MRPS10: variants seen among roughly 807,000 people sequenced by gnomAD.
The protein encoded by MRPS10 is small ribosomal subunit protein uS10m.
MRPS10 carries 23 observed loss-of-function variants against 27.5 expected under a neutral mutation model. The ratio of observed to expected loss-of-function variants is 0.84; its 90% CI spans 0.60 to 1.18. MRPS10 has a LOEUF of 1.18. Among genes scored for constraint, MRPS10 ranks in the 50% most tolerant of loss-of-function variants. The probability of loss-of-function intolerance (pLI) is 0.00; values close to 1 mark genes in which losing one functional copy is unlikely to be tolerated. For synonymous variants in MRPS10, 88 were observed against 84.2 expected (o/e 1.04, Z -0.25); for missense variants, 237 against 240.1 (o/e 0.99, Z 0.09).
At position 42,211,807 on chromosome 6, in the gene MRPS10, A is replaced by G; in HGVS notation, c.297T>C (p.Ala99=). The change falls in exon 4 of 7, where the codon GCT becomes GCC. Residue 99 remains alanine (A), a synonymous_variant. Transcript: ENST00000053468. ...CTTTAATAGAGATACCAAGTTCTTTAGCAGCAAGCACAGCAAAATATTCAT... is the reference window on the plus strand; with the variant it reads ...CTTTAATAGAGATACCAAGTTCTTTGGCAGCAAGCACAGCAAAATATTCAT... ...DSYEYFAVLA[A]KELGISIKVH... 25 of 1,613,850 alleles carry G rather than the reference A, an allele frequency of 1.5e-5. No homozygotes were observed. The highest frequency in any genetic ancestry group is 2.1e-5 in the Non-Finnish European group (25 of 1,179,914).
At chr6:42,212,189 G>A (rs577007855) in intron 3 of MRPS10, among the ~76,000 whole-genome samples, 9 of 152,234 alleles carry the variant, frequency 5.9e-5, no homozygotes, top group African/African-American at 1.9e-4. Flanking sequence ...TTAAAATAAC[G>A]ATTCAGCTTC....
intron 6 of MRPS10, among the ~76,000 whole-genome samples, 193 bp downstream of exon 6, chr6:42,208,665 G>A (rs538067848): frequency 6.6e-6 from 1 of 152,242 alleles, no homozygotes; most frequent in South Asian, 2.1e-4. Flanking sequence ...CGGAGGACTT[G>A]GGCTGAAATG....
At chr6:42,216,026 C>CTTTTTTTTTTTTTTTTT (rs34985131) in intron 1 of MRPS10, among the ~76,000 whole-genome samples, 8 of 56,974 alleles carry the variant, frequency 1.4e-4, no homozygotes, top group African/African-American at 3.0e-4. Context: ...TTTTTCTTTT[C>CTTTTTTTTTTTTTTTTT]TTTTTTTTTT....
intron 1 of MRPS10, 110 bp downstream of exon 1, chr6:42,217,692 T>G: frequency 9.1e-7 from 1 of 1,103,752 alleles, no homozygotes; most frequent in South Asian, 1.3e-5. Context: ...CGGCGCGAGG[T>G]GAGGGATAAA....
intron 1 of MRPS10, among the ~76,000 whole-genome samples, chr6:42,215,359 CA>C (rs771389045): frequency 3.8e-4 from 28 of 73,228 alleles, no homozygotes; most frequent in Non-Finnish European, 3.9e-4. Context: ...GACTCCCTCT[CA>C]AAAAAAAAAA....
chr6:42,211,852 A>G lies in MRPS10; in HGVS notation c.252T>C (p.Asp84=), dbSNP rs1262743161. 1 of 1,613,920 alleles carries G rather than the reference A, an allele frequency of 6.2e-7. No individual in the cohort carries two copies. The highest frequency in any genetic ancestry group is 2.2e-5 in the East Asian group (1 of 44,890). ...ATTCATAACTGTCCAATACAGCCTT[A>G]TCGTGACCTTTCACCAAAACCGAGA... The part of the protein sequence containing the change: ...KRLSVLVKGH[D]KAVLDSYEYF... Residue 84 remains aspartate, a synonymous_variant, in exon 4 of 7, where the codon GAT becomes GAC. Transcript: ENST00000053468.
chr6:42,209,937 C>T (rs1050478040), intron 5 of MRPS10, among the ~76,000 whole-genome samples: 3 of 152,138 alleles, frequency 2.0e-5, no homozygotes, highest in Non-Finnish European at 4.4e-5. Flanking sequence ...CTAATCCTCA[C>T]ACTAACCTTA....
intron 3 of MRPS10, among the ~76,000 whole-genome samples, chr6:42,212,666 G>A (rs9367134): frequency 0.55 from 83,116 of 151,962 alleles, 24,587 homozygotes; most frequent in East Asian, 0.83. Flanking sequence ...TCATTCATCC[G>A]TTAAACCAGT....
At chr6:42,213,182 C>T (rs1010057052) in intron 3 of MRPS10, among the ~76,000 whole-genome samples, 1 of 152,200 alleles carries the variant, frequency 6.6e-6, no homozygotes, top group African/African-American at 2.4e-5. Context: ...GGTGTGGTGG[C>T]TCATGCCTGT....
intron 5 of MRPS10, 50 bp from the exon 6 acceptor site, chr6:42,208,997 C>T (rs751948418): frequency 5.2e-6 from 6 of 1,156,040 alleles, no homozygotes; most frequent in South Asian, 1.3e-5. Context: ...TGTTAAAGCA[C>T]GGTTTTTTGT....
chr6:42,208,898 T>G lies in MRPS10; in HGVS notation c.482A>C (p.Gln161Pro). 6.2e-7 allele frequency: 1 copy of G among 1,612,336 alleles called. No homozygotes were observed. The change falls in exon 6 of 7, where the codon CAG (glutamine) becomes CCG (proline). Residue 161 changes from glutamine (Q) to proline (P), a missense_variant. Physicochemically the swap from Gln to Pro is moderately conservative, Grantham distance 76 (BLOSUM62 -1). Transcript: ENST00000053468. ...STADVYLEYI[Q>P]RNLPEGVAME... ...GGCAACCCCTTCAGGTAAGTTTCGCTGAATATATTCCAAGTAGACATCTGC... is the reference window on the plus strand; with the variant it reads ...GGCAACCCCTTCAGGTAAGTTTCGCGGAATATATTCCAAGTAGACATCTGC...
chr6:42,217,301 A>G (rs1435264552), intron 1 of MRPS10, among the ~76,000 whole-genome samples: 1 of 152,182 alleles, frequency 6.6e-6, no homozygotes, highest in Non-Finnish European at 1.5e-5. Flanking sequence ...AAAAAGCAGG[A>G]GAACCGCTGC....
In MRPS10 at chr6:42,217,799, T is replaced by C. The variant is rs1479884081; in HGVS notation, c.48+3A>G. 1.9e-6 allele frequency: 3 copies of C among 1,614,032 alleles called. No homozygotes were observed. The highest frequency in any genetic ancestry group is 1.1e-5 in the South Asian group (1 of 91,088). ...CTCCTAGTCTCCCTAGCCAATCCAG[T>C]ACCTGCCAGAGGCGCCGGCACACAG... On this transcript the variant is annotated splice_donor_region_variant and intron_variant, in intron 1 of 6. Coordinates refer to ENST00000053468, the MANE Select transcript of MRPS10 (RefSeq NM_018141.4).
At chr6:42,217,320 T>C (rs1487567030) in intron 1 of MRPS10, among the ~76,000 whole-genome samples, 1 of 152,146 alleles carries the variant, frequency 6.6e-6, no homozygotes, top group Non-Finnish European at 1.5e-5. Flanking sequence ...GCTGAAAAGT[T>C]TTTGCTCCTC....
At chr6:42,208,483 C>T in intron 6 of MRPS10, 111 bp from the exon 7 acceptor site, 5 of 831,396 alleles carry the variant, frequency 6.0e-6, no homozygotes, top group Non-Finnish European at 7.7e-6. Flanking sequence ...CTTTTATCCC[C>T]CTAGTCTTTC....
intron 1 of MRPS10, among the ~76,000 whole-genome samples, chr6:42,216,835 G>C (rs928120140): frequency 6.6e-6 from 1 of 152,028 alleles, no homozygotes; most frequent in Non-Finnish European, 1.5e-5. Context: ...AAACAAAAAC[G>C]GTGGTCTCAA....
chr6:42,209,053 G>T, intron 5 of MRPS10, 106 bp from the exon 6 acceptor site: 1 of 694,216 alleles, frequency 1.4e-6, no homozygotes, highest in Non-Finnish European at 2.4e-6. Context: ...GGGCTGGAGT[G>T]TGTGCAATCT....
At chr6:42,214,433 C>T (rs539841795) in intron 1 of MRPS10, 89 bp from the exon 2 acceptor site, 1 of 1,036,050 alleles carries the variant, frequency 9.7e-7, no homozygotes, top group South Asian at 1.5e-5. Context: ...AAGGTTACCT[C>T]ATTATTTCAG....
At chr6:42,209,693 C>T (rs977927995) in intron 5 of MRPS10, among the ~76,000 whole-genome samples, 2 of 131,224 alleles carry the variant, frequency 1.5e-5, no homozygotes, top group Non-Finnish European at 3.1e-5. Context: ...TACAGTGAGC[C>T]TAGATTGTGC....
Sources: allele counts gnomAD v4.1 joint callset (sites outside exome capture counted in the v4.1 genomes callset), GRCh38; gene constraint gnomAD v4.1.1; transcripts MANE v1.5; gene names NCBI Gene and HGNC (gene_info 2026-07-23, HGNC 2026-07-21).